PTPRM: variants seen among roughly 807,000 people sequenced by gnomAD.
The protein encoded by PTPRM is receptor-type tyrosine-protein phosphatase mu.
A neutral mutation model predicts 186.7 loss-of-function variants in PTPRM; 47 were observed. That is an observed-to-expected ratio of 0.25 (90% confidence interval 0.20 to 0.32). PTPRM has a LOEUF of 0.32. PTPRM is among the 10% of genes least tolerant of loss of function. The probability of loss-of-function intolerance (pLI) is 1.00; values close to 1 mark genes in which losing one functional copy is unlikely to be tolerated. For missense variants in PTPRM, 1,494 were observed against 1,865.0 expected, an observed-to-expected ratio of 0.80 and a Z score of 3.66; for synonymous variants, 668 against 674.9, an observed-to-expected ratio of 0.99 and a Z score of 0.16.
chr18:7,757,880 G>A lies in PTPRM; in HGVS notation c.74-16269G>A, dbSNP rs182472544. On this transcript the variant is annotated intron_variant, in intron 1 of 32. Coordinates refer to ENST00000580170, the MANE Select transcript of PTPRM (RefSeq NM_001105244.2). ...GGGTGAAGAGTGGGTGGGGATGCAG[G>A]GGATGCTGGTGGTGATGCCCTTTAG... Among the ~76,000 whole-genome samples the A allele has an allele frequency of 8.8e-4, 131 of 149,090 alleles. No individual in the cohort carries two copies. The East Asian group carries it at 0.019, about 21-fold the overall frequency.
At chr18:7,994,054 C>T (rs1453672659) in intron 7 of PTPRM, among the ~76,000 whole-genome samples, 1 of 152,002 alleles carries the variant, frequency 6.6e-6, no homozygotes, top group Non-Finnish European at 1.5e-5. Context: ...CAAGACCCAA[C>T]CATATTCTGC....
chr18:8,022,374 C>G (rs2085287642), intron 7 of PTPRM, among the ~76,000 whole-genome samples: 2 of 152,334 alleles, frequency 1.3e-5, no homozygotes, highest in East Asian at 3.9e-4. Context: ...CAAGACTGAG[C>G]TGTTTAGGGT....
At chr18:7,807,565 G>A (rs1000932526) in intron 2 of PTPRM, among the ~76,000 whole-genome samples, 7 of 152,152 alleles carry the variant, frequency 4.6e-5, no homozygotes, top group African/African-American at 1.4e-4. Flanking sequence ...ATATCAAAAA[G>A]GCAGCTAGAA....
chr18:7,609,520 CTT>C (rs11444902), intron 1 of PTPRM, among the ~76,000 whole-genome samples: 121 of 139,204 alleles, frequency 8.7e-4, no homozygotes, highest in Non-Finnish European at 7.5e-4. Context: ...TGCCTGTCTC[CTT>C]TTTTTTTTTT....
At chr18:8,375,143 TCAAAA>T (rs1179955219) in intron 24 of PTPRM, among the ~76,000 whole-genome samples, 2 of 152,226 alleles carry the variant, frequency 1.3e-5, no homozygotes, top group African/African-American at 2.4e-5. Context: ...TTAATTATTC[TCAAAA>T]CAAAAGTAAA....
intron 8 of PTPRM, among the ~76,000 whole-genome samples, chr18:8,072,536 GA>G (rs2089549363): frequency 6.6e-6 from 1 of 152,048 alleles, no homozygotes; most frequent in Non-Finnish European, 1.5e-5. Context: ...AAATACTTCA[GA>G]AAAGGCAGAG....
chr18:8,373,699 A>G (rs541396661), intron 24 of PTPRM, among the ~76,000 whole-genome samples: 8 of 152,288 alleles, frequency 5.3e-5, no homozygotes, highest in East Asian at 3.9e-4. Flanking sequence ...ACTTCAGGCC[A>G]GGGACTATTG....
At chr18:7,694,975 C>T (rs1057217853) in intron 1 of PTPRM, among the ~76,000 whole-genome samples, 1 of 152,154 alleles carries the variant, frequency 6.6e-6, no homozygotes, top group East Asian at 1.9e-4. Flanking sequence ...CTTTCCTAAG[C>T]GCTTTTCCAT....
chr18:8,119,003 G>A (rs568188), intron 13 of PTPRM, among the ~76,000 whole-genome samples: 114,593 of 151,488 alleles, frequency 0.76, 43,846 homozygotes, highest in African/African-American at 0.88. Context: ...AACACATGCT[G>A]AATTATTTTC....
chr18:8,240,777 G>GGAGAGAGAGA (rs747648655), intron 14 of PTPRM, among the ~76,000 whole-genome samples: 48 of 57,296 alleles, frequency 8.4e-4, no homozygotes, highest in Admixed American at 2.6e-3. Flanking sequence ...AGAGAGAGAG[G>GGAGAGAGAGA]GAGAGAGAGA....
chr18:8,123,889 C>T (rs1370504269), intron 13 of PTPRM, among the ~76,000 whole-genome samples: 1 of 152,194 alleles, frequency 6.6e-6, no homozygotes, highest in Non-Finnish European at 1.5e-5. Context: ...AAAACAAGTA[C>T]TTACGAAATA....
chr18:7,921,534 C>T (rs1327515504), intron 4 of PTPRM, among the ~76,000 whole-genome samples: 1 of 151,970 alleles, frequency 6.6e-6, no homozygotes, highest in Non-Finnish European at 1.5e-5. Context: ...GCGCCTGCCA[C>T]CACGCCCATC....
At chr18:7,691,353 C>A (rs9956070) in intron 1 of PTPRM, among the ~76,000 whole-genome samples, 68,264 of 151,992 alleles carry the variant, frequency 0.45, 17,189 homozygotes, top group East Asian at 0.84. Context: ...CCCATTCTGA[C>A]TGCCAGGCAT....
chr18:8,373,816 T>G lies in PTPRM; in HGVS notation c.3172-2230T>G, dbSNP rs559525389. ...TAAAGGATCGCCTGAGCCCGAGAGT[T>G]CAAGACTGCAGTGACCCATGATTGC... On this transcript the variant is annotated intron_variant, in intron 24 of 32. Coordinates refer to ENST00000580170, the MANE Select transcript of PTPRM (RefSeq NM_001105244.2). Among the ~76,000 whole-genome samples, 196 of 151,510 alleles carry G rather than the reference T, an allele frequency of 1.3e-3. 2 individuals are homozygous for G. The Middle Eastern group carries it at 0.017, about 13-fold the overall frequency.
At chr18:8,057,432 T>C (rs1227193494) in intron 7 of PTPRM, among the ~76,000 whole-genome samples, 1 of 66,186 alleles carries the variant, frequency 1.5e-5, no homozygotes, top group African/African-American at 3.5e-5. Flanking sequence ...CTTCTTTTTT[T>C]TTTTTTTTTT....
chr18:7,901,761 A>G (rs1456797238), intron 3 of PTPRM, among the ~76,000 whole-genome samples: 1 of 152,244 alleles, frequency 6.6e-6, no homozygotes, highest in Non-Finnish European at 1.5e-5. Context: ...AGACTACTGT[A>G]TGGCATCTAA....
chr18:8,280,468 A>G (rs1183814756), intron 19 of PTPRM, among the ~76,000 whole-genome samples: 1 of 151,982 alleles, frequency 6.6e-6, no homozygotes, highest in Admixed American at 6.6e-5. Flanking sequence ...TTGTTCAGGA[A>G]TGCTGAGAGG....
At chr18:7,810,734 T>C (rs1241218070) in intron 2 of PTPRM, among the ~76,000 whole-genome samples, 1 of 152,210 alleles carries the variant, frequency 6.6e-6, no homozygotes, top group Non-Finnish European at 1.5e-5. Flanking sequence ...CTCATGTATG[T>C]AACCTTTATA....
rs945006814 is a variant in PTPRM, at chr18:7,568,345, G to T, written c.73+454G>T. Among the ~76,000 whole-genome samples the T allele has an allele frequency of 7.9e-5, 12 of 151,840 alleles. No homozygotes were observed. The highest frequency in any genetic ancestry group is 6.2e-4 in the South Asian group (3 of 4,836). On this transcript the variant is annotated intron_variant, in intron 1 of 32. Coordinates refer to ENST00000580170, the MANE Select transcript of PTPRM (RefSeq NM_001105244.2). This position sits in a 1 kb window ranked among gnomAD's most constrained non-coding sequence, Gnocchi z 5.1. The stretch of plus-strand genomic sequence containing the variant: ...GGGCCCAGGCCGCTGGTGTTCGGCT[G>T]CGCCCGCAGCGATCGCCGGGAACTG...
Sources: gnomAD v4.1 joint callset for allele counts (sites outside exome capture counted in the v4.1 genomes callset) on GRCh38, gnomAD v4.1.1 for gene constraint, Gnocchi (gnomAD v3.1) non-coding constraint, MANE v1.5 for transcripts, NCBI Gene and HGNC (gene_info 2026-07-23, HGNC 2026-07-21) for gene names.